Variants in TMEM181 observed in about 807,000 individuals in gnomAD.
TMEM181 encodes the protein G protein-coupled receptor 178.
Under a neutral mutation model 71.9 loss-of-function variants are expected in TMEM181, and 39 were observed. The observed-to-expected ratio is 0.54, with a 90% CI of 0.42 to 0.71. The LOEUF is 0.71. Ranked by LOEUF, TMEM181 falls within the 30% of genes least tolerant of loss-of-function variation. The probability of loss-of-function intolerance (pLI) is 0.00; values close to 1 mark genes in which losing one functional copy is unlikely to be tolerated. For synonymous variants in TMEM181, 245 were observed against 228.8 expected (o/e 1.07, Z -0.64); for missense variants, 595 against 583.0 (o/e 1.02, Z -0.21).
chr6:158,537,305 C>G (rs897755504), intron 1 of TMEM181, among the ~76,000 whole-genome samples: 1 of 151,868 alleles, frequency 6.6e-6, no homozygotes, highest in Non-Finnish European at 1.5e-5. Flanking sequence ...GGAGGAGGGT[C>G]TTGGCCGCAG....
chr6:158,545,185 C>T (rs370848941), intron 1 of TMEM181, among the ~76,000 whole-genome samples: 97 of 152,358 alleles, frequency 6.4e-4, no homozygotes, highest in African/African-American at 2.2e-3. Flanking sequence ...CGCTACACCC[C>T]GCTTTCTTCC....
At chr6:158,605,505 G>A (rs1422627485) in intron 7 of TMEM181, among the ~76,000 whole-genome samples, 158 bp downstream of exon 7, 1 of 152,158 alleles carries the variant, frequency 6.6e-6, no homozygotes, top group Non-Finnish European at 1.5e-5. Flanking sequence ...TGTGTCTGCC[G>A]AGATGCTGCC....
At chr6:158,615,057 T>C (rs936182536) in intron 10 of TMEM181, among the ~76,000 whole-genome samples, 8 of 152,192 alleles carry the variant, frequency 5.3e-5, no homozygotes, top group Non-Finnish European at 8.8e-5. Flanking sequence ...CTTGAGGAAT[T>C]GCCACACTGT....
intron 1 of TMEM181, among the ~76,000 whole-genome samples, chr6:158,554,512 G>A (rs1008560256): frequency 2.6e-5 from 4 of 152,192 alleles, no homozygotes; most frequent in South Asian, 2.1e-4. Flanking sequence ...GAGCCACTTC[G>A]CCTGGCCAAT....
chr6:158,613,762 T>A (rs571442115), intron 10 of TMEM181, among the ~76,000 whole-genome samples: 9 of 152,356 alleles, frequency 5.9e-5, no homozygotes, highest in Admixed American at 3.3e-4. Flanking sequence ...CACACAACTA[T>A]ATTGTTGTGG....
chr6:158,606,079 G>T (rs547178124), intron 7 of TMEM181, among the ~76,000 whole-genome samples: 1 of 152,352 alleles, frequency 6.6e-6, no homozygotes, highest in South Asian at 2.1e-4. Context: ...TGCATGGAAG[G>T]ACACAGGCGC....
chr6:158,620,486 G>A lies in TMEM181; in HGVS notation c.897-3064G>A, dbSNP rs140273971. On this transcript the variant is annotated intron_variant, in intron 10 of 16. Transcript: ENST00000684151. This position sits in a 1 kb window ranked among gnomAD's most constrained non-coding sequence, Gnocchi z 4.5. The stretch of plus-strand genomic sequence containing the variant: ...CAAAGGGCTTCCCGAACCGGCATGC[G>A]TGAGGAAGAGAGAGGGAGAGGGAGA... Among the ~76,000 whole-genome samples the A allele has an allele frequency of 1.2e-3, 188 of 152,320 alleles. No homozygotes were observed. Among genetic ancestry groups the A allele is most frequent in the Middle Eastern group, 3.4e-3 (1 of 294 alleles).
chr6:158,559,848 G>T (rs1350359848), upstream of TMEM181, among the ~76,000 whole-genome samples: 1 of 152,236 alleles, frequency 6.6e-6, no homozygotes, highest in Non-Finnish European at 1.5e-5. Context: ...GAATGAATGC[G>T]CTGTTTACCT....
At chr6:158,627,744 C>T (rs1786408643) in intron 13 of TMEM181, among the ~76,000 whole-genome samples, 1 of 152,204 alleles carries the variant, frequency 6.6e-6, no homozygotes, top group Non-Finnish European at 1.5e-5. Flanking sequence ...AGTTTCCATT[C>T]TGTGCTGGGA....
At chr6:158,559,132 T>G (rs760456839), upstream of TMEM181, among the ~76,000 whole-genome samples, 3 of 151,842 alleles carry the variant, frequency 2.0e-5, no homozygotes, top group African/African-American at 7.3e-5. Context: ...CTTCCTAATA[T>G]CCACCTCACC....
chr6:158,540,131 G>A lies in TMEM181; in HGVS notation c.131+3266G>A, dbSNP rs528603549. Among the ~76,000 whole-genome samples the A allele has an allele frequency of 5.3e-5, 8 of 152,274 alleles. No homozygotes were observed. In the East Asian group the frequency reaches 1.2e-3, roughly 22 times the overall value. Reference sequence around the variant, plus strand: ...TACTGCTTCTCATTCATATTCATGGGGGAAGCTGGCTGGCTTTCTATGGCT... The same window carrying A: ...TACTGCTTCTCATTCATATTCATGGAGGAAGCTGGCTGGCTTTCTATGGCT... On this transcript the variant is annotated intron_variant, in intron 1 of 16. Coordinates refer to the TMEM181 transcript ENST00000367090.
chr6:158,595,197 T>C (rs1020172575), intron 6 of TMEM181, among the ~76,000 whole-genome samples: 1 of 152,272 alleles, frequency 6.6e-6, no homozygotes, highest in African/African-American at 2.4e-5. Context: ...CTGCATTCTT[T>C]CTTCACTATT....
intron 6 of TMEM181, among the ~76,000 whole-genome samples, chr6:158,591,974 G>A (rs1784135694): frequency 6.6e-6 from 1 of 152,116 alleles, no homozygotes; most frequent in African/African-American, 2.4e-5. Context: ...TTACTGTGGG[G>A]CTCAAAAAGG....
chr6:158,609,319 CTTTTT>C (rs965397972), intron 10 of TMEM181, among the ~76,000 whole-genome samples: 1 of 148,108 alleles, frequency 6.8e-6, no homozygotes, highest in Non-Finnish European at 1.5e-5. Context: ...CTATGTTTTT[CTTTTT>C]TTTTTAGACG....
intron 10 of TMEM181, chr6:158,610,041 C>A: frequency 4.5e-6 from 1 of 220,880 alleles, no homozygotes; most frequent in South Asian, 8.2e-5. Context: ...ATCTTGTAGT[C>A]AGAGAACACA....
chr6:158,617,457 T>C (rs1785682503), intron 10 of TMEM181, among the ~76,000 whole-genome samples: 1 of 138,492 alleles, frequency 7.2e-6, no homozygotes, highest in South Asian at 2.3e-4. Flanking sequence ...TTGAAGGGTT[T>C]TTTTTGTGTC....
chr6:158,559,986 G>C (rs913964800), upstream of TMEM181: 2 of 936,456 alleles, frequency 2.1e-6, no homozygotes, highest in Non-Finnish European at 2.5e-6. Context: ...ACGAAGGAGG[G>C]CCACCCCCCT....
intron 1 of TMEM181, among the ~76,000 whole-genome samples, chr6:158,572,171 G>T (rs1782890014): frequency 6.6e-6 from 1 of 152,378 alleles, no homozygotes; most frequent in Admixed American, 6.5e-5. Context: ...CCTCACCCTG[G>T]CCCTGGGACG....
At chr6:158,564,143 G>A (rs1416374609) in intron 1 of TMEM181, among the ~76,000 whole-genome samples, 1 of 152,192 alleles carries the variant, frequency 6.6e-6, no homozygotes, top group Non-Finnish European at 1.5e-5. Flanking sequence ...AAATTTTAGA[G>A]TTCCTATCCT....
Sources: gnomAD v4.1 joint callset for allele counts (sites outside exome capture counted in the v4.1 genomes callset) on GRCh38, gnomAD v4.1.1 for gene constraint, Gnocchi (gnomAD v3.1) non-coding constraint, MANE v1.5 for transcripts, NCBI Gene and HGNC (gene_info 2026-07-23, HGNC 2026-07-21) for gene names.